The following CCSER1 variants were observed in gnomAD, a reference collection of about 807,000 sequenced individuals.
The protein encoded by CCSER1 is serine-rich coiled-coil domain-containing protein 1.
A neutral mutation model predicts 82.0 loss-of-function variants in CCSER1; 41 were observed. That is an observed-to-expected ratio of 0.50 (90% CI 0.39 to 0.65). The LOEUF (loss-of-function observed/expected upper bound fraction) is 0.65, where lower values mean the gene tolerates loss of function less well. CCSER1 is among the 30% of genes least tolerant of loss of function. The pLI, the probability that CCSER1 is intolerant of heterozygous loss-of-function variation, is 0.00. For synonymous variants in CCSER1, 414 were observed against 383.9 expected (o/e 1.08, Z -0.92); for missense variants, 1,119 against 1,064.2 (o/e 1.05, Z -0.72).
intron 9 of CCSER1, among the ~76,000 whole-genome samples, chr4:90,993,172 A>T (rs1737189195): frequency 6.6e-6 from 1 of 152,018 alleles, no homozygotes; most frequent in Non-Finnish European, 1.5e-5. Context: ...CTTTCTTTTG[A>T]TATTTTGATG....
At chr4:90,411,487 G>T (rs532164017) in intron 4 of CCSER1, among the ~76,000 whole-genome samples, 1 of 152,100 alleles carries the variant, frequency 6.6e-6, no homozygotes, top group Admixed American at 6.6e-5. Context: ...ATCAATAAAC[G>T]TAATCCAGCA....
intron 8 of CCSER1, among the ~76,000 whole-genome samples, chr4:90,868,085 A>T (rs2150017040): frequency 6.6e-6 from 1 of 152,144 alleles, no homozygotes; most frequent in African/African-American, 2.4e-5. Context: ...GTAGTTGAAT[A>T]TTATTTATGG....
chr4:90,616,709 A>T (rs1579496495), intron 5 of CCSER1, among the ~76,000 whole-genome samples: 1 of 124,632 alleles, frequency 8.0e-6, no homozygotes, highest in Non-Finnish European at 1.6e-5. Flanking sequence ...ACACACACAC[A>T]CACACACACA....
chr4:91,354,847 T>A (rs1327135591), intron 10 of CCSER1, among the ~76,000 whole-genome samples: 1 of 152,174 alleles, frequency 6.6e-6, no homozygotes, highest in Non-Finnish European at 1.5e-5. Flanking sequence ...AAAAACAAAT[T>A]TCTGGTTTTT....
At chr4:90,999,374 C>T (rs531528205) in intron 9 of CCSER1, among the ~76,000 whole-genome samples, 21 of 152,278 alleles carry the variant, frequency 1.4e-4, no homozygotes, top group African/African-American at 3.6e-4. Flanking sequence ...CTCTTTTCTC[C>T]ACAGCCTCAT....
chr4:91,310,697 C>T (rs1358781954), intron 10 of CCSER1, among the ~76,000 whole-genome samples: 1 of 151,890 alleles, frequency 6.6e-6, no homozygotes, highest in African/African-American at 2.4e-5. Flanking sequence ...GAGCCATGAA[C>T]CCTTTTTTCC....
At chr4:90,902,416 G>A (rs1414468937) in intron 8 of CCSER1, among the ~76,000 whole-genome samples, 2 of 151,906 alleles carry the variant, frequency 1.3e-5, no homozygotes, top group Non-Finnish European at 2.9e-5. Flanking sequence ...TAAGGGAGAT[G>A]TACCTTTTTA....
At chr4:90,463,921 A>G (rs990208018) in intron 4 of CCSER1, among the ~76,000 whole-genome samples, 3 of 152,072 alleles carry the variant, frequency 2.0e-5, no homozygotes, top group African/African-American at 4.8e-5. Context: ...TTATGCTTTA[A>G]CAATGATTTT....
intron 10 of CCSER1, among the ~76,000 whole-genome samples, chr4:91,221,690 T>G (rs992233942): frequency 7.2e-5 from 11 of 152,264 alleles, no homozygotes; most frequent in Middle Eastern, 6.8e-3. Flanking sequence ...AGTCATAAGT[T>G]TAAAATTGAG....
At chr4:90,577,612 T>G (rs1780911090) in intron 5 of CCSER1, among the ~76,000 whole-genome samples, 1 of 152,154 alleles carries the variant, frequency 6.6e-6, no homozygotes, top group Non-Finnish European at 1.5e-5. Flanking sequence ...TTGTTCAGCT[T>G]TTAAATTGTT....
At chr4:90,547,448 C>T (rs1474046815) in intron 5 of CCSER1, among the ~76,000 whole-genome samples, 1 of 151,964 alleles carries the variant, frequency 6.6e-6, no homozygotes, top group Non-Finnish European at 1.5e-5. Flanking sequence ...TATTAATACA[C>T]TTTCACTTTC....
chr4:91,339,080 G>A (rs1747522694), intron 10 of CCSER1, among the ~76,000 whole-genome samples: 2 of 152,054 alleles, frequency 1.3e-5, no homozygotes, highest in South Asian at 2.1e-4. Flanking sequence ...TTTACTTGAT[G>A]CTTATGAATA....
chr4:91,358,728 C>T (rs1749038659), intron 10 of CCSER1, among the ~76,000 whole-genome samples: 1 of 152,120 alleles, frequency 6.6e-6, no homozygotes, highest in Admixed American at 6.5e-5. Context: ...CAGTTCCTTC[C>T]TGGTGTTCAG....
At chr4:90,363,449 A>C (rs1420981965) in intron 3 of CCSER1, among the ~76,000 whole-genome samples, 2 of 152,136 alleles carry the variant, frequency 1.3e-5, no homozygotes, top group Non-Finnish European at 2.9e-5. Flanking sequence ...TGTGGCACCT[A>C]AAGTACACCA....
At chr4:90,773,512 G>A (rs1752505005) in intron 7 of CCSER1, among the ~76,000 whole-genome samples, 1 of 152,100 alleles carries the variant, frequency 6.6e-6, no homozygotes, top group Non-Finnish European at 1.5e-5. Flanking sequence ...TTAGGTTTGT[G>A]ATTATTTTGT....
chr4:90,141,722 C>T (rs1039807406), intron 1 of CCSER1, among the ~76,000 whole-genome samples: 2 of 152,094 alleles, frequency 1.3e-5, no homozygotes. Flanking sequence ...CCAACTTTGC[C>T]GATGAAATGT....
chr4:91,225,385 AAT>A (rs970824146), intron 10 of CCSER1, among the ~76,000 whole-genome samples: 1 of 139,360 alleles, frequency 7.2e-6, no homozygotes, highest in African/African-American at 2.6e-5. Context: ...TATATGATAT[AAT>A]ATATATATTC....
At chr4:90,504,557 A>G (rs1488308396) in intron 5 of CCSER1, among the ~76,000 whole-genome samples, 1 of 152,154 alleles carries the variant, frequency 6.6e-6, no homozygotes, top group East Asian at 1.9e-4. Flanking sequence ...CTGCCTAGTG[A>G]CTAGTTCTTC....
chr4:91,578,419 C>T (rs1223604117), intron 10 of CCSER1, among the ~76,000 whole-genome samples: 2 of 151,694 alleles, frequency 1.3e-5, no homozygotes, highest in Non-Finnish European at 2.9e-5. Context: ...TATCAGATTG[C>T]TGGGAAATGT....
Sources: allele counts gnomAD v4.1 joint callset (sites outside exome capture counted in the v4.1 genomes callset), GRCh38; gene constraint gnomAD v4.1.1; transcripts MANE v1.5; gene names NCBI Gene and HGNC (gene_info 2026-07-23, HGNC 2026-07-21).